WASHC2C: variants seen among roughly 807,000 people sequenced by gnomAD.
WASHC2C encodes Vaccinia Penetration Factor.
In WASHC2C, 73 loss-of-function variants were observed where a neutral mutation model predicts 142.2. That is an observed-to-expected ratio of 0.51 (90% CI 0.43 to 0.62). The LOEUF (loss-of-function observed/expected upper bound fraction) is 0.62. WASHC2C is among the 20% of genes least tolerant of loss of function. The pLI is 0.00. For synonymous variants in WASHC2C, 337 were observed against 565.5 expected, an observed-to-expected ratio of 0.60 and a Z score of 5.73; for missense variants, 969 against 1,531.7, an observed-to-expected ratio of 0.63 and a Z score of 6.13.
chr10:45,750,704 A>G lies in WASHC2C; in HGVS notation c.844-47A>G, dbSNP rs782258087. ...TTGTTAGGTGTCCAAAGTGAAGTGTACTAGTTTGTTACAAAAAAGCGATTC... is the reference window on the plus strand; with the variant it reads ...TTGTTAGGTGTCCAAAGTGAAGTGTGCTAGTTTGTTACAAAAAAGCGATTC... On this transcript the variant is annotated intron_variant, in intron 9 of 30. Coordinates refer to ENST00000623400, the MANE Select transcript of WASHC2C (RefSeq NM_001330074.2). 36 of 1,517,956 alleles carry G rather than the reference A, an allele frequency of 2.4e-5. No individual in the cohort carries two copies. The East Asian group carries it at 7.9e-4, about 33-fold the overall frequency. The allele number at this position is 1,517,956 out of a possible 1,614,324, so 94.0% of individuals were successfully genotyped here.
chr10:45,770,968 T>G (rs1419535702), intron 20 of WASHC2C, among the ~76,000 whole-genome samples: 52 of 152,164 alleles, frequency 3.4e-4, no homozygotes, highest in Admixed American at 7.9e-4. Context: ...GCATCGTGAC[T>G]GCAGGGAAAT....
Position 45,754,606 on chromosome 10 carries a change from A to G in WASHC2C, c.1240+61A>G, listed in dbSNP as rs1554876381. On this transcript the variant is annotated intron_variant, in intron 14 of 30. Coordinates refer to ENST00000623400, the MANE Select transcript of WASHC2C (RefSeq NM_001330074.2). ...CAAATACTGTTTTTTGCATTTCAAA[A>G]TTATCATCTTCTAAAGTCTGGCTGG... is the stretch of plus-strand genomic sequence containing the variant. 4.2e-6 allele frequency: 6 copies of G among 1,432,124 alleles called. No homozygotes were observed. In the African/African-American group the frequency reaches 4.4e-5, roughly 10 times the overall value. 88.7% of individuals were successfully genotyped at this position (1,432,124 alleles called of 1,614,324 possible). A position where few individuals can be genotyped will look rare whatever the true frequency, so the allele number is the denominator to read the frequency against.
At chr10:45,735,996 C>T (rs1319309188) in intron 3 of WASHC2C, among the ~76,000 whole-genome samples, 1 of 151,936 alleles carries the variant, frequency 6.6e-6, no homozygotes, top group East Asian at 1.9e-4. Flanking sequence ...CAGCCAGGCA[C>T]AATGGCTCAC....
upstream of WASHC2C, chr10:45,727,217 C>T (rs1366520566): frequency 2.7e-6 from 4 of 1,500,834 alleles, no homozygotes; most frequent in South Asian, 3.9e-5. Context: ...CACGTGAGGC[C>T]GGTCACGCCC....
At chr10:45,753,702 T>C (rs2053880778) in intron 13 of WASHC2C, among the ~76,000 whole-genome samples, 1 of 142,506 alleles carries the variant, frequency 7.0e-6, no homozygotes, top group South Asian at 2.3e-4. Flanking sequence ...TTGGACAGGC[T>C]GGTCTTAAAC....
chr10:45,744,178 C>T (rs1372417636), intron 6 of WASHC2C, among the ~76,000 whole-genome samples: 1 of 150,156 alleles, frequency 6.7e-6, no homozygotes, highest in South Asian at 2.1e-4. Context: ...CCTACCTCAG[C>T]CTCCTGAGTA....
intron 17 of WASHC2C, among the ~76,000 whole-genome samples, chr10:45,761,648 G>A (rs2055102732): frequency 6.6e-6 from 1 of 152,198 alleles, no homozygotes; most frequent in South Asian, 2.1e-4. Flanking sequence ...TATCTGAAGT[G>A]TGAGGCTGAA....
chr10:45,771,364 C>CAAAAA (rs58095251), intron 20 of WASHC2C, among the ~76,000 whole-genome samples: 1 of 40,200 alleles, frequency 2.5e-5, no homozygotes, highest in African/African-American at 7.5e-5. Context: ...GACTCCATCT[C>CAAAAA]AAAAAAAAAA....
chr10:45,782,594 G>A (rs1158383541), intron 23 of WASHC2C, among the ~76,000 whole-genome samples: 7 of 151,242 alleles, frequency 4.6e-5, no homozygotes, highest in East Asian at 3.9e-4. Flanking sequence ...CACACAATCC[G>A]GAATTTTATT....
intron 23 of WASHC2C, among the ~76,000 whole-genome samples, chr10:45,780,029 G>A (rs2057378190): frequency 6.6e-6 from 1 of 151,212 alleles, no homozygotes; most frequent in Admixed American, 6.6e-5. Context: ...TGTGAGGTTA[G>A]TATGACCCTG....
chr10:45,735,411 G>T (rs2051094024), intron 3 of WASHC2C, among the ~76,000 whole-genome samples: 1 of 151,004 alleles, frequency 6.6e-6, no homozygotes, highest in African/African-American at 2.4e-5. Context: ...TATATTTTTA[G>T]TAAAGATGGG....
rs1352578918 is a variant in WASHC2C at position 45,785,527 on chromosome 10, G to C, written c.2707G>C (p.Val903Leu). ...SQPLVQEKKRVVKKDHSVNSF... is the reference protein window; with the variant it reads ...SQPLVQEKKRLVKKDHSVNSF... ...TTTGAAGGTACAAGAGAAAAAGAGAGTAGTGAAAAAAGACCACTCTGTTAA... is the reference window on the plus strand; with the variant it reads ...TTTGAAGGTACAAGAGAAAAAGAGACTAGTGAAAAAAGACCACTCTGTTAA... Residue 903 changes from valine to leucine, a missense_variant, in exon 26 of 31, where the codon GTA (valine) becomes CTA (leucine). Coordinates refer to ENST00000623400, the MANE Select transcript of WASHC2C (RefSeq NM_001330074.2). The C allele has an allele frequency of 4.3e-6, 7 of 1,613,736 alleles. No homozygotes were observed. Among genetic ancestry groups the C allele is most frequent in the Non-Finnish European group, 5.9e-6 (7 of 1,179,824 alleles).
intron 3 of WASHC2C, among the ~76,000 whole-genome samples, chr10:45,734,762 G>T (rs2051016047): frequency 6.6e-6 from 1 of 151,896 alleles, no homozygotes; most frequent in Non-Finnish European, 1.5e-5. Flanking sequence ...TCCCTCTGTT[G>T]CCCAGGCTGG....
At chr10:45,742,537 A>G (rs1391906461) in intron 5 of WASHC2C, among the ~76,000 whole-genome samples, 1 of 152,220 alleles carries the variant, frequency 6.6e-6, no homozygotes, top group East Asian at 1.9e-4. Context: ...GCTGGTCTCA[A>G]ACTCCTGACC....
At position 45,769,633 on chromosome 10, in the gene WASHC2C, G is replaced by T; in HGVS notation, c.2039+15G>T. On this transcript the variant is annotated intron_variant, in intron 20 of 30. Coordinates refer to ENST00000623400, the MANE Select transcript of WASHC2C (RefSeq NM_001330074.2). ...GCCAAGGACAGGTGAGATAGTCATT[G>T]GAAGGAGTCCCTCACTCCATTACCG... 6.2e-7 allele frequency: 1 copy of T among 1,611,882 alleles called. No individual in the cohort carries two copies. Among genetic ancestry groups the T allele is most frequent in the Non-Finnish European group, 8.5e-7 (1 of 1,179,830 alleles).
intron 5 of WASHC2C, among the ~76,000 whole-genome samples, chr10:45,741,073 G>A (rs1417166253): frequency 1.3e-5 from 2 of 151,256 alleles, no homozygotes; most frequent in Admixed American, 1.3e-4. Context: ...CCAGCCTCCC[G>A]AGTAGCTGGG....
chr10:45,788,563 G>A (rs2573469), intron 28 of WASHC2C, among the ~76,000 whole-genome samples: 4 of 152,114 alleles, frequency 2.6e-5, no homozygotes, highest in East Asian at 1.9e-4. Context: ...GAGCCAACAT[G>A]CCTACTTTCC....
rs1564819626 is a variant in WASHC2C at position 45,784,269 on chromosome 10, T to TATATATATATATATACACACACAC, written c.2479-281_2479-280insCACACACACATATATATATATATA. ...GTGTGTGTGTATATATATATATATA[T>TATATATATATATATACACACACAC]ATATATATATATATATATATACACA... is the stretch of plus-strand genomic sequence containing the variant. On this transcript the variant is annotated intron_variant, in intron 23 of 30. Coordinates refer to ENST00000623400, the MANE Select transcript of WASHC2C (RefSeq NM_001330074.2). Among the ~76,000 whole-genome samples, 59 of 13,464 alleles carry TATATATATATATATACACACACAC rather than the reference T, an allele frequency of 4.4e-3. 1 individual carries two copies. The South Asian group carries it at 0.12, about 26-fold the overall frequency. The allele number at this position is 13,464 out of a possible 152,430, so 8.8% of individuals were successfully genotyped here.
intron 8 of WASHC2C, among the ~76,000 whole-genome samples, chr10:45,749,264 G>A (rs1395861486): frequency 2.7e-5 from 4 of 150,814 alleles, no homozygotes; most frequent in South Asian, 2.1e-4. Flanking sequence ...GTGAAACCCC[G>A]TCTCTACCAA....
Sources: allele counts gnomAD v4.1 joint callset (sites outside exome capture counted in the v4.1 genomes callset), GRCh38; gene constraint gnomAD v4.1.1; transcripts MANE v1.5; gene names NCBI Gene and HGNC (gene_info 2026-07-23, HGNC 2026-07-21).